HOMER2: variants seen among roughly 807,000 people sequenced by gnomAD.
The protein encoded by HOMER2 is homer scaffold protein 2, also known as homer protein homolog 2.
HOMER2 carries 27 observed loss-of-function variants against 47.0 expected under a neutral mutation model. The ratio of observed to expected loss-of-function variants is 0.57; its 90% CI spans 0.42 to 0.79. HOMER2 has a LOEUF of 0.79. Ranked by LOEUF, HOMER2 falls within the 30% of genes least tolerant of loss-of-function variation. HOMER2 has a pLI of 0.00. For missense variants in HOMER2, 443 were observed against 435.0 expected (o/e 1.02, Z -0.16); for synonymous variants, 161 against 163.8 (o/e 0.98, Z 0.13).
intron 3 of HOMER2, among the ~76,000 whole-genome samples, chr15:82,866,630 G>T (rs2051976376): frequency 1.3e-5 from 2 of 152,214 alleles, no homozygotes; most frequent in Admixed American, 6.5e-5. Flanking sequence ...GTCATGGGAA[G>T]AACCTGGTGG....
At chr15:82,978,388 C>T (rs1280989787) in intron 1 of HOMER2, among the ~76,000 whole-genome samples, 2 of 151,950 alleles carry the variant, frequency 1.3e-5, no homozygotes, top group East Asian at 1.9e-4. Context: ...AAGAATAATC[C>T]GTTCTACTTG....
chr15:82,882,295 A>G (rs916387109), intron 2 of HOMER2, among the ~76,000 whole-genome samples: 2 of 152,258 alleles, frequency 1.3e-5, no homozygotes, highest in East Asian at 3.9e-4. Flanking sequence ...CCTGGAGAGA[A>G]GGTGGCCAGG....
intron 4 of HOMER2, among the ~76,000 whole-genome samples, chr15:82,861,452 G>C (rs899822823): frequency 3.9e-5 from 6 of 152,190 alleles, no homozygotes; most frequent in Admixed American, 2.6e-4. Context: ...AAGTATGTTA[G>C]AAAGATACAC....
chr15:82,867,736 A>G (rs2052021774), intron 3 of HOMER2, among the ~76,000 whole-genome samples: 1 of 152,218 alleles, frequency 6.6e-6, no homozygotes, highest in South Asian at 2.1e-4. Context: ...TGTTAGTGAA[A>G]AAAACATTCA....
intron 2 of HOMER2, among the ~76,000 whole-genome samples, chr15:82,890,893 G>C (rs2052683894): frequency 6.6e-6 from 1 of 152,092 alleles, no homozygotes. Context: ...GAAGCACAGA[G>C]GAGAGAAACG....
intron 1 of HOMER2, among the ~76,000 whole-genome samples, chr15:82,969,672 A>G (rs1214122521): frequency 6.6e-6 from 1 of 152,240 alleles, no homozygotes; most frequent in Non-Finnish European, 1.5e-5. Flanking sequence ...ATCTAAGTGC[A>G]TACAGTAAAT....
intron 1 of HOMER2, among the ~76,000 whole-genome samples, chr15:82,916,659 A>G (rs7169222): frequency 0.036 from 5,426 of 152,154 alleles, 314 homozygotes; most frequent in African/African-American, 0.12. Context: ...GCAGAGGGGG[A>G]GAGGTTAAGT....
At chr15:82,839,857 A>T in exon 2 of HOMER2, 1 of 152,262 alleles carries the variant, frequency 6.6e-6, no homozygotes, top group South Asian at 2.1e-4. Flanking sequence ...AGTTTCCTGG[A>T]GATATGTATT....
At chr15:82,897,533 T>C (rs997701235) in intron 1 of HOMER2, among the ~76,000 whole-genome samples, 1 of 152,122 alleles carries the variant, frequency 6.6e-6, no homozygotes, top group Non-Finnish European at 1.5e-5. Context: ...TGAGTGTGGG[T>C]GAGACCTGTG....
At chr15:82,893,086 T>C (rs973641239) in intron 1 of HOMER2, among the ~76,000 whole-genome samples, 9 of 152,140 alleles carry the variant, frequency 5.9e-5, no homozygotes, top group African/African-American at 2.2e-4. Flanking sequence ...TAATGAACAA[T>C]TTGCTTAAAA....
At chr15:82,881,135 T>C (rs2052508467) in intron 2 of HOMER2, among the ~76,000 whole-genome samples, 1 of 152,222 alleles carries the variant, frequency 6.6e-6, no homozygotes, top group Non-Finnish European at 1.5e-5. Flanking sequence ...TCTTCTTGCG[T>C]GAGTCATCTC....
chr15:82,872,595 G>A (rs367822280), intron 3 of HOMER2, among the ~76,000 whole-genome samples: 4 of 152,126 alleles, frequency 2.6e-5, no homozygotes, highest in Admixed American at 2.0e-4. Flanking sequence ...AGCCTTCCAC[G>A]ACTGGACCTT....
At chr15:82,868,416 G>A (rs1371468716) in intron 3 of HOMER2, among the ~76,000 whole-genome samples, 1 of 150,708 alleles carries the variant, frequency 6.6e-6, no homozygotes, top group Non-Finnish European at 1.5e-5. Context: ...ACACACAGAA[G>A]CCTACTGGAG....
At position 82,875,167 on chromosome 15, in the gene HOMER2, C is replaced by T. The variant is rs569118043; in HGVS notation, c.294+106G>A. 5.2e-6 allele frequency: 7 copies of T among 1,347,734 alleles called. No homozygotes were observed. The South Asian group carries it at 9.7e-5, about 19-fold the overall frequency. The allele number at this position is 1,347,734 out of a possible 1,614,324, so 83.5% of individuals were successfully genotyped here. On this transcript the variant is annotated intron_variant, in intron 3 of 8. Coordinates refer to ENST00000450735, the MANE Select transcript of HOMER2 (RefSeq NM_004839.4). ...ATGCCAGGAGGAGTGAAACCAAAGA[C>T]CAGAAAGGAATCCTGCTCACCAAGG...
chr15:82,960,170 G>A (rs545213883), intron 1 of HOMER2, among the ~76,000 whole-genome samples: 6 of 152,276 alleles, frequency 3.9e-5, no homozygotes, highest in East Asian at 1.9e-4. Context: ...GCTTCCAACC[G>A]GAGACGTTGG....
chr15:82,956,494 G>T (rs924400967), upstream of HOMER2, among the ~76,000 whole-genome samples: 1 of 152,198 alleles, frequency 6.6e-6, no homozygotes, highest in Non-Finnish European at 1.5e-5. Flanking sequence ...CCCACTGATG[G>T]GTTGGGGAAT....
chr15:82,882,881 CTTTTTTTTTTTTTT>C lies in HOMER2; in HGVS notation c.163-7491_163-7478del, dbSNP rs757073475. 7.4e-5 allele frequency among the ~76,000 whole-genome samples: 2 copies of C among 27,038 alleles called. 1 individual carries two copies. The highest frequency in any genetic ancestry group is 1.3e-4 in the Non-Finnish European group (2 of 15,828). The allele number at this position is 27,038 out of a possible 152,430, so 17.7% of individuals were successfully genotyped here. ...TGAGTCCATTCTACACCAGCCACTG[CTTTTTTTTTTTTTT>C]TTTTTTTTTTTATTATACTCTAAGT... On this transcript the variant is annotated intron_variant, in intron 2 of 8. Coordinates refer to ENST00000450735, the MANE Select transcript of HOMER2 (RefSeq NM_004839.4).
At chr15:82,841,536 ATATAT>A in exon 2 of HOMER2, 1 of 5,576 alleles carries the variant, frequency 1.8e-4, no homozygotes, top group East Asian at 0.025. Flanking sequence ...AAAAAATTTG[ATATAT>A]ATATATCAAA....
chr15:82,956,815 T>C (rs1164257444), upstream of HOMER2, among the ~76,000 whole-genome samples: 1 of 152,140 alleles, frequency 6.6e-6, no homozygotes, highest in Non-Finnish European at 1.5e-5. Flanking sequence ...TGAAAAAGTT[T>C]ATTAGGATGG....
Sources: allele counts gnomAD v4.1 joint callset (sites outside exome capture counted in the v4.1 genomes callset), GRCh38; gene constraint gnomAD v4.1.1; transcripts MANE v1.5; gene names NCBI Gene and HGNC (gene_info 2026-07-23, HGNC 2026-07-21).